Variants in TIAM1 observed in about 807,000 individuals in gnomAD.
TIAM1 encodes rho guanine nucleotide exchange factor TIAM1.
A neutral mutation model predicts 163.5 loss-of-function variants in TIAM1; 65 were observed. The observed-to-expected ratio is 0.40, with a 90% CI of 0.33 to 0.49. The LOEUF is 0.49. Among genes scored for constraint, TIAM1 ranks in the 20% least tolerant of loss-of-function variants. TIAM1 has a pLI of 0.77. For synonymous variants in TIAM1, 833 were observed against 810.1 expected, an observed-to-expected ratio of 1.03 and a Z score of -0.48; for missense variants, 1,789 against 2,044.7, an observed-to-expected ratio of 0.87 and a Z score of 2.41.
rs199520010 is a variant in TIAM1 at position 31,188,762 on chromosome 21, T to TG, written c.2576-1676dup. On this transcript the variant is annotated intron_variant, in intron 13 of 27. Coordinates refer to ENST00000541036, the MANE Select transcript of TIAM1 (RefSeq NM_001353694.2). ...CTGATTTTTTAATTTTTTTTAGAGA[T>TG]GGGGTCTTACTATGTTGCCCAGGCT... 8.6e-3 allele frequency among the ~76,000 whole-genome samples: 1,316 copies of TG among 152,192 alleles called. 23 individuals carry two copies. The highest frequency in any genetic ancestry group is 0.03 in the African/African-American group (1,243 of 41,528).
upstream of TIAM1, among the ~76,000 whole-genome samples, chr21:31,348,387 T>G (rs905858514): frequency 3.3e-5 from 5 of 152,220 alleles, no homozygotes; most frequent in African/African-American, 9.6e-5. Flanking sequence ...AACAATGTTA[T>G]CAGCAGCAAG....
chr21:31,369,244 A>C (rs2076554133), intron 2 of TIAM1, among the ~76,000 whole-genome samples: 1 of 134,890 alleles, frequency 7.4e-6, no homozygotes, highest in Non-Finnish European at 1.6e-5. Flanking sequence ...AGAAAGAAAG[A>C]AAGAAAGGGA....
At chr21:31,405,657 A>C (rs985487602) in intron 2 of TIAM1, among the ~76,000 whole-genome samples, 5 of 152,178 alleles carry the variant, frequency 3.3e-5, no homozygotes, top group African/African-American at 1.2e-4. Flanking sequence ...TTGTGCAGAG[A>C]AAGTCCCATT....
chr21:31,181,532 G>T (rs73191663), intron 15 of TIAM1, among the ~76,000 whole-genome samples: 1 of 151,508 alleles, frequency 6.6e-6, no homozygotes, highest in Non-Finnish European at 1.5e-5. Flanking sequence ...TCACTGAAGC[G>T]CTCGGGTTCA....
intron 2 of TIAM1, among the ~76,000 whole-genome samples, chr21:31,409,204 GGGT>G (rs1228375165): frequency 6.6e-6 from 1 of 151,248 alleles, no homozygotes; most frequent in Non-Finnish European, 1.5e-5. Context: ...ACCACCTCCT[GGGT>G]TCAAGGATTC....
chr21:31,217,648 A>G lies in TIAM1; in HGVS notation c.2047T>C (p.Ser683Pro). Reference sequence around the variant, plus strand: ...CTCCTTCGCTTGCTCGCGGATCTGGACATGGCCTGAGTACGTCTTCTCACT... The same window carrying G: ...CTCCTTCGCTTGCTCGCGGATCTGGGCATGGCCTGAGTACGTCTTCTCACT... ...TGVRRRTQAM[S>P]RSASKRRSRF... The change falls in exon 9 of 28, where the codon TCC becomes CCC. Residue 683 changes from serine (S) to proline (P), a missense_variant. Coordinates refer to ENST00000541036, the MANE Select transcript of TIAM1 (RefSeq NM_001353694.2). 2.5e-6 allele frequency: 4 copies of G among 1,614,016 alleles called. No individual in the cohort carries two copies. Among genetic ancestry groups the G allele is most frequent in the Non-Finnish European group, 3.4e-6 (4 of 1,179,974 alleles).
intron 6 of TIAM1, among the ~76,000 whole-genome samples, chr21:31,237,578 T>A (rs560470058): frequency 1.3e-5 from 2 of 152,354 alleles, no homozygotes; most frequent in African/African-American, 4.8e-5. Flanking sequence ...CTCAACTTAA[T>A]GGCATATGAG....
chr21:31,512,454 T>C (rs1299801447), intron 1 of TIAM1, among the ~76,000 whole-genome samples: 4 of 152,096 alleles, frequency 2.6e-5, no homozygotes, highest in Non-Finnish European at 4.4e-5. Flanking sequence ...ATGAATGGCC[T>C]GTGACCCAGT....
chr21:31,154,377 G>A lies in TIAM1; in HGVS notation c.3041C>T (p.Pro1014Leu), dbSNP rs753290841. Reference sequence around the variant, plus strand: ...CTGAGGAGATGGGCTCTGGTCAGAGGGGTTCATCTCATGCAAACTGCGGCA... The same window carrying A: ...CTGAGGAGATGGGCTCTGGTCAGAGAGGTTCATCTCATGCAAACTGCGGCA... ...AFCRSLHEMN[P>L]SDQSPSPQDS... Residue 1014 changes from proline to leucine, a missense_variant, in exon 17 of 28, where the codon CCC becomes CTC. By Grantham distance (98) the Pro-to-Leu change is moderately conservative (BLOSUM62 -3). This residue lies in a region of TIAM1 where 303 missense variants were observed against 321.3 expected (regional missense o/e 0.94). Transcript: ENST00000541036. 1.5e-5 allele frequency: 25 copies of A among 1,614,008 alleles called. No individual in the cohort carries two copies. In the African/African-American group the frequency reaches 2.8e-4, roughly 18 times the overall value.
intron 2 of TIAM1, among the ~76,000 whole-genome samples, chr21:31,454,281 T>C (rs1569345644): frequency 6.6e-6 from 1 of 152,238 alleles, no homozygotes; most frequent in Non-Finnish European, 1.5e-5. Context: ...ATTTACTGAA[T>C]GGTTCAAGGC....
chr21:31,241,402 C>T (rs995397124), intron 6 of TIAM1, among the ~76,000 whole-genome samples: 2 of 152,158 alleles, frequency 1.3e-5, no homozygotes, highest in Non-Finnish European at 2.9e-5. Flanking sequence ...AACTTGCAAA[C>T]TTCTGTTCTT....
At chr21:31,398,442 A>G (rs2077110323) in intron 2 of TIAM1, among the ~76,000 whole-genome samples, 1 of 152,212 alleles carries the variant, frequency 6.6e-6, no homozygotes, top group Admixed American at 6.5e-5. Context: ...ACCACCACAT[A>G]ATTTTACTCC....
intron 19 of TIAM1, among the ~76,000 whole-genome samples, chr21:31,152,055 G>A (rs1358333195): frequency 1.7e-5 from 2 of 117,544 alleles, no homozygotes; most frequent in Admixed American, 2.2e-4. Flanking sequence ...TTTGTAAGAC[G>A]GAGCCTCGTT....
intron 16 of TIAM1, among the ~76,000 whole-genome samples, chr21:31,155,567 C>G (rs560742726): frequency 6.6e-6 from 1 of 151,762 alleles, no homozygotes; most frequent in South Asian, 2.1e-4. Context: ...TGCAGTGGTG[C>G]GATCTCAGCT....
chr21:31,267,514 T>C (rs978599241), intron 3 of TIAM1, among the ~76,000 whole-genome samples: 2 of 127,000 alleles, frequency 1.6e-5, no homozygotes, highest in South Asian at 2.9e-4. Context: ...TTTCGTTTTT[T>C]CATTTTTTTT....
At chr21:31,381,560 CGA>C (rs2076779384) in intron 2 of TIAM1, among the ~76,000 whole-genome samples, 1 of 152,068 alleles carries the variant, frequency 6.6e-6, no homozygotes, top group African/African-American at 2.4e-5. Flanking sequence ...CCCAGCTACT[CGA>C]GAGGCTGAGG....
chr21:31,505,771 G>A (rs141231485), intron 1 of TIAM1, among the ~76,000 whole-genome samples: 9,322 of 152,130 alleles, frequency 0.061, 734 homozygotes, highest in African/African-American at 0.18. Context: ...TTGGGAGGCT[G>A]AAGCGGGCGG....
chr21:31,456,703 T>C (rs1268031399), intron 2 of TIAM1, among the ~76,000 whole-genome samples: 1 of 152,210 alleles, frequency 6.6e-6, no homozygotes, highest in Non-Finnish European at 1.5e-5. Flanking sequence ...TAGTTTGCTA[T>C]ACTCCCCCAA....
intron 1 of TIAM1, among the ~76,000 whole-genome samples, chr21:31,464,608 C>T (rs757804655): frequency 1.1e-4 from 16 of 146,206 alleles, no homozygotes; most frequent in Non-Finnish European, 2.3e-4. Context: ...TTTGGAAGGC[C>T]GAGGTGGGTG....
Sources: allele counts gnomAD v4.1 joint callset (sites outside exome capture counted in the v4.1 genomes callset), GRCh38; gene constraint gnomAD v4.1.1; regional missense constraint gnomAD v4.1.1; transcripts MANE v1.5; gene names NCBI Gene and HGNC (gene_info 2026-07-23, HGNC 2026-07-21).